The following DSCAML1 variants were observed in gnomAD, a reference collection of about 807,000 sequenced individuals.
DSCAML1 encodes the protein DS cell adhesion molecule like 1, also known as cell adhesion molecule DSCAML1.
A neutral mutation model predicts 200.5 loss-of-function variants in DSCAML1; 38 were observed. That is an observed-to-expected ratio of 0.19 (90% CI 0.15 to 0.25). The LOEUF is 0.25. DSCAML1 is among the 10% of genes least tolerant of loss of function. The pLI, the probability that DSCAML1 is intolerant of heterozygous loss-of-function variation, is 1.00. For missense variants in DSCAML1, 2,223 were observed against 2,858.8 expected, an observed-to-expected ratio of 0.78 and a Z score of 5.07; for synonymous variants, 1,215 against 1,165.0, an observed-to-expected ratio of 1.04 and a Z score of -0.87.
intron 3 of DSCAML1, among the ~76,000 whole-genome samples, chr11:117,721,549 A>G (rs962167512): frequency 6.6e-6 from 1 of 151,724 alleles, no homozygotes; most frequent in Non-Finnish European, 1.5e-5. Context: ...ATATTTTCTG[A>G]CTTGAGTATC....
chr11:117,521,764 G>GA (rs1029180674), intron 5 of DSCAML1, among the ~76,000 whole-genome samples: 3 of 93,690 alleles, frequency 3.2e-5, no homozygotes, highest in Non-Finnish European at 6.7e-5. Context: ...TCAGAAACCG[G>GA]GGGGGGCACC....
chr11:117,806,235 G>C (rs1591525283), intron 1 of DSCAML1, among the ~76,000 whole-genome samples: 1 of 152,204 alleles, frequency 6.6e-6, no homozygotes, highest in South Asian at 2.1e-4. Flanking sequence ...GAAAGGAGTG[G>C]TCAGTAAAAA....
intron 11 of DSCAML1, 107 bp from the exon 12 acceptor site, chr11:117,482,269 G>A: frequency 7.5e-7 from 1 of 1,338,232 alleles, no homozygotes; most frequent in Non-Finnish European, 1.0e-6. Flanking sequence ...TCCCCCAGGA[G>A]AGGCTCCAAT....
chr11:117,623,584 C>T (rs757645543), intron 3 of DSCAML1, among the ~76,000 whole-genome samples: 3 of 152,180 alleles, frequency 2.0e-5, no homozygotes, highest in Non-Finnish European at 4.4e-5. Context: ...TTAGCTCTGT[C>T]ACTCACCCGT....
At chr11:117,626,200 C>A (rs1012005281) in intron 3 of DSCAML1, among the ~76,000 whole-genome samples, 2 of 66,078 alleles carry the variant, frequency 3.0e-5, no homozygotes, top group Non-Finnish European at 6.3e-5. Flanking sequence ...CTTGCTGAGA[C>A]CCCCCCCCCT....
At chr11:117,689,341 G>A (rs767208928) in intron 3 of DSCAML1, among the ~76,000 whole-genome samples, 1 of 152,210 alleles carries the variant, frequency 6.6e-6, no homozygotes, top group Non-Finnish European at 1.5e-5. Flanking sequence ...CCGAGAGCTG[G>A]TCAGGTCAGA....
At chr11:117,663,537 T>G (rs1174571091) in intron 3 of DSCAML1, among the ~76,000 whole-genome samples, 1 of 151,940 alleles carries the variant, frequency 6.6e-6, no homozygotes, top group Non-Finnish European at 1.5e-5. Context: ...TGGTACTTCC[T>G]GCCCCTCTCC....
chr11:117,638,806 C>T lies in DSCAML1; in HGVS notation c.512-106284G>A, dbSNP rs184874366. ...TTAATGGACATTTGTGTTGTTTCTG[C>T]TTTTTGGCTATTAAAAATAATGCTG... On this transcript the variant is annotated intron_variant, in intron 3 of 32. Transcript: ENST00000651296. 3.9e-3 allele frequency among the ~76,000 whole-genome samples: 599 copies of T among 152,216 alleles called. 3 individuals carry two copies. The highest frequency in any genetic ancestry group is 0.014 in the African/African-American group (572 of 41,524).
chr11:117,553,652 G>A lies in DSCAML1; in HGVS notation c.512-21130C>T, dbSNP rs542184132. Among the ~76,000 whole-genome samples, 6 of 152,330 alleles carry A rather than the reference G, an allele frequency of 3.9e-5. No homozygotes were observed. In the East Asian group the frequency reaches 1.2e-3, roughly 29 times the overall value. On this transcript the variant is annotated intron_variant, in intron 3 of 32. Coordinates refer to ENST00000651296, the MANE Select transcript of DSCAML1 (RefSeq NM_020693.4). ...TCAGAAAATAACAAGTGTTGGCAAG[G>A]ATGTGGCAAAATTGAAATCCTCGTG...
At position 117,482,022 on chromosome 11, in the gene DSCAML1, C is replaced by T. The variant is rs768108077; in HGVS notation, c.2500G>A (p.Val834Ile). The change falls in exon 12 of 33, where the codon GTC becomes ATC. Residue 834 changes from valine to isoleucine, a missense_variant. Around this residue, in one of 7 missense-constraint regions of DSCAML1, gnomAD observed 438 missense variants for 629.7 expected, o/e 0.70. Coordinates refer to ENST00000651296, the MANE Select transcript of DSCAML1 (RefSeq NM_020693.4). ...KGDTVIDPDR[V>I]MRYAIATKDN... ...TTGGTGGCGATGGCATACCGCATGA[C>T]GCGGTCAGGGTCGATGACTGTGTCC... 1.1e-5 allele frequency: 18 copies of T among 1,614,068 alleles called. 1 individual carries two copies. Among genetic ancestry groups the T allele is most frequent in the Middle Eastern group, 3.3e-4 (2 of 6,084 alleles).
At chr11:117,433,841 T>A (rs1236399858) in intron 27 of DSCAML1, among the ~76,000 whole-genome samples, 1 of 152,186 alleles carries the variant, frequency 6.6e-6, no homozygotes, top group Non-Finnish European at 1.5e-5. Context: ...TTCAGTTATA[T>A]CTTGTGGAGA....
chr11:117,438,018 C>T lies in DSCAML1; in HGVS notation c.4309G>A (p.Glu1437Lys). 4 of 1,614,122 alleles carry T rather than the reference C, an allele frequency of 2.5e-6. No homozygotes were observed. Among genetic ancestry groups the T allele is most frequent in the Non-Finnish European group, 3.4e-6 (4 of 1,180,004 alleles). The change falls in exon 25 of 33, where the codon GAG becomes AAG. Residue 1437 changes from glutamate to lysine, a missense_variant. Glu to Lys is a moderately conservative substitution (Grantham distance 56). This residue lies in a region of DSCAML1 where 614 missense variants were observed against 739.1 expected (regional missense o/e 0.83). Coordinates refer to ENST00000651296, the MANE Select transcript of DSCAML1 (RefSeq NM_020693.4). ...AGGCTGTCCAGCTTGAAGGAGCGCT[C>T]GCTGGAGCTGATGAACACATCCTTC... ...EWKDVFISSS[E>K]RSFKLDSLKC...
At chr11:117,582,848 T>C (rs1358461171) in intron 3 of DSCAML1, among the ~76,000 whole-genome samples, 1 of 152,100 alleles carries the variant, frequency 6.6e-6, no homozygotes, top group Non-Finnish European at 1.5e-5. Flanking sequence ...ACAAGAAGCC[T>C]GAGTGGGAGA....
At chr11:117,806,212 G>A (rs1321391043) in intron 1 of DSCAML1, among the ~76,000 whole-genome samples, 1 of 152,226 alleles carries the variant, frequency 6.6e-6, no homozygotes, top group Non-Finnish European at 1.5e-5. Context: ...GAAGAGAGCT[G>A]CTTAAGCTCA....
intron 3 of DSCAML1, among the ~76,000 whole-genome samples, chr11:117,712,725 A>G (rs1258614268): frequency 6.6e-6 from 1 of 152,062 alleles, no homozygotes; most frequent in African/African-American, 2.4e-5. Flanking sequence ...ATCACGCTCA[A>G]TCACTCTGCT....
intron 3 of DSCAML1, among the ~76,000 whole-genome samples, chr11:117,681,524 A>C (rs1196983383): frequency 6.6e-6 from 1 of 152,200 alleles, no homozygotes; most frequent in African/African-American, 2.4e-5. Flanking sequence ...CCTCTGGACA[A>C]GCTGCAGGAT....
intron 3 of DSCAML1, among the ~76,000 whole-genome samples, chr11:117,676,445 C>T (rs2053215258): frequency 6.6e-6 from 1 of 152,190 alleles, no homozygotes; most frequent in Admixed American, 6.5e-5. Context: ...TGGGAGATAT[C>T]TGGTTTCTCC....
intron 3 of DSCAML1, among the ~76,000 whole-genome samples, chr11:117,536,092 C>A (rs531041262): frequency 6.6e-6 from 1 of 151,792 alleles, no homozygotes; most frequent in East Asian, 1.9e-4. Flanking sequence ...GAAACAAAGG[C>A]AGGCTGCAGC....
intron 3 of DSCAML1, among the ~76,000 whole-genome samples, chr11:117,769,230 AT>A (rs1424553971): frequency 7.5e-5 from 2 of 26,690 alleles, no homozygotes; most frequent in Non-Finnish European, 1.3e-4. Flanking sequence ...TATTGTATAT[AT>A]TATATATTTT....
Sources: allele counts gnomAD v4.1 joint callset (sites outside exome capture counted in the v4.1 genomes callset), GRCh38; gene constraint gnomAD v4.1.1; regional missense constraint gnomAD v4.1.1; transcripts MANE v1.5; gene names NCBI Gene and HGNC (gene_info 2026-07-23, HGNC 2026-07-21).